TMEM255B: variants seen among roughly 807,000 people sequenced by gnomAD.
The protein encoded by TMEM255B is family with sequence similarity 70, member B.
Under a neutral mutation model 34.5 loss-of-function variants are expected in TMEM255B, and 35 were observed. That is an observed-to-expected ratio of 1.01 (90% CI 0.77 to 1.34). The LOEUF (loss-of-function observed/expected upper bound fraction) is 1.34, where lower values mean the gene tolerates loss of function less well. Among genes scored for constraint, TMEM255B ranks in the 40% most tolerant of loss-of-function variants. The pLI, the probability that TMEM255B is intolerant of heterozygous loss-of-function variation, is 0.00. For missense variants in TMEM255B, 432 were observed against 433.2 expected (o/e 1.00, Z 0.02); for synonymous variants, 206 against 201.2 (o/e 1.02, Z -0.20).
chr13:113,777,635 G>A (rs920064292), intron 3 of TMEM255B, among the ~76,000 whole-genome samples: 2 of 152,252 alleles, frequency 1.3e-5, no homozygotes. Flanking sequence ...TCCCGCCCGG[G>A]TCCACCAGGC....
chr13:113,759,435 C>G (rs2050256517), intron 1 of TMEM255B, 120 bp downstream of exon 1: 2 of 909,140 alleles, frequency 2.2e-6, no homozygotes, highest in Non-Finnish European at 2.9e-6. Flanking sequence ...GGCACGGGGT[C>G]TGGTCCCTCC....
At position 113,800,842 on chromosome 13, in the gene TMEM255B, C is replaced by G. The variant is rs189764657; in HGVS notation, c.439C>G (p.Leu147Val). ...TCTGCCCCAGGTCACCTGTCACTCCCTGGACGGCAAGTGCCAGCTGAAGGT... is the reference window on the plus strand; with the variant it reads ...TCTGCCCCAGGTCACCTGTCACTCCGTGGACGGCAAGTGCCAGCTGAAGGT... Reference protein sequence around the residue: ...VYQTEVTCHSLDGKCQLKVRS... With the variant: ...VYQTEVTCHSVDGKCQLKVRS... The change falls in exon 6 of 9, where the codon CTG becomes GTG. Residue 147 changes from leucine (L) to valine (V), a missense_variant. By Grantham distance (32) the Leu-to-Val change is conservative. Coordinates refer to ENST00000375353, the MANE Select transcript of TMEM255B (RefSeq NM_182614.4). 6.2e-7 allele frequency: 1 copy of G among 1,608,586 alleles called. No individual in the cohort carries two copies. Among genetic ancestry groups the G allele is most frequent in the East Asian group, 2.2e-5 (1 of 44,802 alleles).
intron 7 of TMEM255B, among the ~76,000 whole-genome samples, chr13:113,802,042 G>A (rs1388937530): frequency 2.6e-5 from 4 of 152,234 alleles, no homozygotes; most frequent in Non-Finnish European, 1.5e-5. Flanking sequence ...TTGCCTCCCC[G>A]CTGAGGTGGG....
rs1016042236 is a variant in TMEM255B, at chr13:113,815,943, T to C, written c.*4040T>C. ...AAGACTGTGTTCTGTTTATATGCAG[T>C]GTCCAGAGAAGGCGTGTCCACAGAC... On this transcript the variant is annotated 3_prime_UTR_variant, in exon 9 of 9. Coordinates refer to ENST00000375353, the MANE Select transcript of TMEM255B (RefSeq NM_182614.4). 5 of 158,852 alleles carry C rather than the reference T, an allele frequency of 3.1e-5. No homozygotes were observed. The highest frequency in any genetic ancestry group is 1.2e-4 in the African/African-American group (5 of 41,466). 9.8% of individuals were successfully genotyped at this position (158,852 alleles called of 1,614,324 possible).
intron 5 of TMEM255B, chr13:113,800,117 G>A (rs1485520140): frequency 4.1e-5 from 47 of 1,134,660 alleles, no homozygotes; most frequent in African/African-American, 9.3e-5. Context: ...GGCAGGAGGC[G>A]TCCCGTGTGT....
intron 8 of TMEM255B, among the ~76,000 whole-genome samples, chr13:113,809,391 C>T (rs1231932635): frequency 8.6e-6 from 1 of 116,732 alleles, no homozygotes; most frequent in African/African-American, 3.6e-5. Context: ...TGGGAGTTTA[C>T]TCTGTGGTTC....
Position 113,808,171 on chromosome 13 carries a change from C to T in TMEM255B, c.813+3143C>T, listed in dbSNP as rs138415236. Among the ~76,000 whole-genome samples, 115 of 152,184 alleles carry T rather than the reference C, an allele frequency of 7.6e-4. 2 individuals are homozygous for T. In the East Asian group the frequency reaches 0.02, roughly 27 times the overall value. On this transcript the variant is annotated intron_variant, in intron 8 of 8. Transcript: ENST00000375353. ...AATATTCAGGGTGTTCCATGGAAGT[C>T]GTTAGCAGCAGAAAATACTCCCACT...
chr13:113,801,938 G>A (rs1266120056), intron 7 of TMEM255B, 126 bp downstream of exon 7: 5 of 1,122,830 alleles, frequency 4.5e-6, no homozygotes, highest in Non-Finnish European at 6.2e-6. Flanking sequence ...CCATGCGTCT[G>A]TCAGCAGGGT....
chr13:113,797,653 T>C (rs989404755), intron 4 of TMEM255B, among the ~76,000 whole-genome samples: 1 of 152,202 alleles, frequency 6.6e-6, no homozygotes, highest in Admixed American at 6.5e-5. Flanking sequence ...CTAGAACGCA[T>C]CCGGCCATAA....
chr13:113,761,161 T>C, intron 1 of TMEM255B: 2 of 985,236 alleles, frequency 2.0e-6, no homozygotes, highest in Non-Finnish European at 2.4e-6. Flanking sequence ...CCCCACATGA[T>C]TAAATGGAAC....
chr13:113,801,296 C>T (rs902835165), intron 6 of TMEM255B, among the ~76,000 whole-genome samples: 30 of 152,242 alleles, frequency 2.0e-4, no homozygotes, highest in African/African-American at 7.0e-4. Flanking sequence ...CCAGGCATGG[C>T]CCCCTCTTGG....
At position 113,812,730 on chromosome 13, in the gene TMEM255B, A is replaced by C. The variant is rs1034635978; in HGVS notation, c.*827A>C. ...GCACCTGCCGGGCACACCTGGGGAG[A>C]CGGGTGAGCACGCCTGGGAAGCAGC... On this transcript the variant is annotated 3_prime_UTR_variant, in exon 9 of 9. Transcript: ENST00000375353. The C allele has an allele frequency of 6.9e-6, 1 of 145,566 alleles. No homozygotes were observed. Among genetic ancestry groups the C allele is most frequent in the Non-Finnish European group, 1.5e-5 (1 of 66,666 alleles). 9.0% of individuals were successfully genotyped at this position (145,566 alleles called of 1,614,324 possible). A position where few individuals can be genotyped will look rare whatever the true frequency, so the allele number is the denominator to read the frequency against.
At chr13:113,765,358 G>C (rs2050371750) in intron 1 of TMEM255B, among the ~76,000 whole-genome samples, 2 of 152,244 alleles carry the variant, frequency 1.3e-5, no homozygotes, top group Non-Finnish European at 2.9e-5. Context: ...GAGCTCTGCT[G>C]ATGGGATTGC....
intron 3 of TMEM255B, among the ~76,000 whole-genome samples, chr13:113,786,753 C>T (rs1175570269): frequency 6.6e-6 from 1 of 152,248 alleles, no homozygotes; most frequent in South Asian, 2.1e-4. Flanking sequence ...TCCTCCCTGG[C>T]ATCCACGTCA....
At chr13:113,775,129 TACAC>T (rs1040058877) in intron 3 of TMEM255B, among the ~76,000 whole-genome samples, 3 of 142,606 alleles carry the variant, frequency 2.1e-5, no homozygotes, top group South Asian at 2.2e-4. Context: ...CACAATACAC[TACAC>T]ACACCACATA....
At chr13:113,767,410 A>G (rs1012998782) in intron 2 of TMEM255B, among the ~76,000 whole-genome samples, 1 of 152,248 alleles carries the variant, frequency 6.6e-6, no homozygotes, top group African/African-American at 2.4e-5. Flanking sequence ...CCTGGGCAGA[A>G]AGGGGAGCCC....
rs772131027 is a variant in TMEM255B, at chr13:113,769,203, CAG to C, written c.252+44_252+45del. On this transcript the variant is annotated intron_variant, in intron 3 of 8. Transcript: ENST00000375353. The surrounding 1 kb of genome is among the most constrained non-coding windows in gnomAD (Gnocchi z 4.2). The stretch of plus-strand genomic sequence containing the variant: ...GTGGTGGGGAGCATGAGTCCCTCAT[CAG>C]GGGATGGTACAGCTGCACTGGGGCT... 4.4e-6 allele frequency: 7 copies of C among 1,602,898 alleles called. No homozygotes were observed. Among genetic ancestry groups the C allele is most frequent in the Non-Finnish European group, 5.1e-6 (6 of 1,170,020 alleles).
rs892002865 is a variant in TMEM255B at position 113,806,690 on chromosome 13, C to T, written c.813+1662C>T. On this transcript the variant is annotated intron_variant, in intron 8 of 8. Coordinates refer to ENST00000375353, the MANE Select transcript of TMEM255B (RefSeq NM_182614.4). The surrounding 1 kb of genome is among the most constrained non-coding windows in gnomAD (Gnocchi z 4.2). ...CTTCATCCTTCCCCAAGCCTCCTGC[C>T]CCTGCCCCAGGGACGTCCCCATCAT... Among the ~76,000 whole-genome samples, 1 of 152,100 alleles carries T rather than the reference C, an allele frequency of 6.6e-6. No homozygotes were observed. Among genetic ancestry groups the T allele is most frequent in the African/African-American group, 2.4e-5 (1 of 41,434 alleles).
At position 113,790,161 on chromosome 13, in the gene TMEM255B, A is replaced by G. The variant is rs1231158563; in HGVS notation, c.253-4987A>G. Among the ~76,000 whole-genome samples, 6 of 123,636 alleles carry G rather than the reference A, an allele frequency of 4.9e-5. 1 individual carries two copies. The highest frequency in any genetic ancestry group is 1.7e-4 in the African/African-American group (6 of 36,252). 81.1% of individuals were successfully genotyped at this position (123,636 alleles called of 152,430 possible). A position where few individuals can be genotyped will look rare whatever the true frequency, so the allele number is the denominator to read the frequency against. ...GACTGACCGGGCACATGGACATCCTAACACTGAACTGACCAGACACGTGGA... is the reference window on the plus strand; with the variant it reads ...GACTGACCGGGCACATGGACATCCTGACACTGAACTGACCAGACACGTGGA... On this transcript the variant is annotated intron_variant, in intron 3 of 8. Transcript: ENST00000375353.
Sources: allele counts gnomAD v4.1 joint callset (sites outside exome capture counted in the v4.1 genomes callset), GRCh38; gene constraint gnomAD v4.1.1; non-coding constraint Gnocchi (gnomAD v3.1); transcripts MANE v1.5; gene names NCBI Gene and HGNC (gene_info 2026-07-23, HGNC 2026-07-21).